RFX3: variants seen among roughly 807,000 people sequenced by gnomAD.
RFX3 encodes regulatory factor X3.
Under a neutral mutation model 98.6 loss-of-function variants are expected in RFX3, and 14 were observed. The observed-to-expected ratio is 0.14, with a 90% CI of 0.09 to 0.22. RFX3 has a LOEUF of 0.22. Ranked by LOEUF, RFX3 falls within the 10% of genes least tolerant of loss-of-function variation. RFX3 has a pLI of 1.00. For synonymous variants in RFX3, 383 were observed against 328.4 expected (o/e 1.17, Z -1.80); for missense variants, 639 against 926.9 (o/e 0.69, Z 4.03).
rs1271463244 is a variant in RFX3, at chr9:3,220,899, A to G, written c.*4143T>C. 1 of 152,180 alleles carries G rather than the reference A, an allele frequency of 6.6e-6. No homozygotes were observed. Among genetic ancestry groups the G allele is most frequent in the Non-Finnish European group, 1.5e-5 (1 of 68,040 alleles). 9.4% of individuals were successfully genotyped at this position (152,180 alleles called of 1,614,324 possible). A position where few individuals can be genotyped will look rare whatever the true frequency, so the allele number is the denominator to read the frequency against. On this transcript the variant is annotated 3_prime_UTR_variant, in exon 17 of 17. Transcript: ENST00000617270. ...CCATTAATTGATTCGTTCTAACCAT[A>G]TACATGGAGGTTGTTCTGATCTAAC...
At chr9:3,298,716 A>G (rs1828299736) in intron 5 of RFX3, among the ~76,000 whole-genome samples, 1 of 151,912 alleles carries the variant, frequency 6.6e-6, no homozygotes, top group South Asian at 2.1e-4. Flanking sequence ...CCCATCTTCT[A>G]AAGTGTGGAA....
chr9:3,501,807 T>C (rs1587871134), intron 1 of RFX3, among the ~76,000 whole-genome samples: 1 of 151,766 alleles, frequency 6.6e-6, no homozygotes, highest in East Asian at 2.0e-4. Flanking sequence ...TCCACCCATC[T>C]CAGCCTCCCA....
chr9:3,485,758 T>G (rs576446175), intron 1 of RFX3, among the ~76,000 whole-genome samples: 1 of 152,246 alleles, frequency 6.6e-6, no homozygotes, highest in South Asian at 2.1e-4. Context: ...CATAAATACA[T>G]AGCAATACAT....
chr9:3,518,992 T>C (rs1489277915), intron 1 of RFX3, among the ~76,000 whole-genome samples: 4 of 152,022 alleles, frequency 2.6e-5, no homozygotes, highest in African/African-American at 7.3e-5. Flanking sequence ...CTAGACTATT[T>C]ATTATTATTA....
At chr9:3,291,870 A>T (rs1177837878) in intron 6 of RFX3, among the ~76,000 whole-genome samples, 2 of 151,896 alleles carry the variant, frequency 1.3e-5, no homozygotes, top group Non-Finnish European at 2.9e-5. Context: ...CATCTGGACT[A>T]ACATGGTGAA....
At chr9:3,422,505 C>T (rs1843544166) in intron 1 of RFX3, among the ~76,000 whole-genome samples, 1 of 152,220 alleles carries the variant, frequency 6.6e-6, no homozygotes, top group Non-Finnish European at 1.5e-5. Context: ...AAAGGAGAAA[C>T]CCTTCTGCCT....
chr9:3,382,465 G>C (rs1376259492), intron 2 of RFX3, among the ~76,000 whole-genome samples: 1 of 151,884 alleles, frequency 6.6e-6, no homozygotes. Flanking sequence ...GGAAACTGAG[G>C]GCCTTCAGTC....
At chr9:3,378,901 G>C (rs1838864266) in intron 2 of RFX3, among the ~76,000 whole-genome samples, 1 of 152,104 alleles carries the variant, frequency 6.6e-6, no homozygotes, top group Non-Finnish European at 1.5e-5. Flanking sequence ...ACCTAGAATA[G>C]AGATGCTCCA....
chr9:3,399,720 G>C (rs577787998), intron 1 of RFX3, among the ~76,000 whole-genome samples: 1 of 152,054 alleles, frequency 6.6e-6, no homozygotes, highest in Non-Finnish European at 1.5e-5. Context: ...GGGAGGCCAA[G>C]TGGGGCAGAT....
At chr9:3,385,998 GT>G (rs1839678030) in intron 2 of RFX3, among the ~76,000 whole-genome samples, 2 of 152,208 alleles carry the variant, frequency 1.3e-5, no homozygotes, top group South Asian at 4.1e-4. Flanking sequence ...ACTACACTGG[GT>G]GCCTATTCAA....
chr9:3,457,341 G>A (rs1296577035), intron 1 of RFX3, among the ~76,000 whole-genome samples: 2 of 151,914 alleles, frequency 1.3e-5, no homozygotes, highest in African/African-American at 4.8e-5. Flanking sequence ...ATTCATATTT[G>A]CAAGTCATTT....
At chr9:3,250,839 G>A (rs924492007) in intron 14 of RFX3, among the ~76,000 whole-genome samples, 2 of 151,758 alleles carry the variant, frequency 1.3e-5, no homozygotes, top group Non-Finnish European at 2.9e-5. Flanking sequence ...AGATACATGA[G>A]CTCATTTACA....
At chr9:3,449,234 T>C (rs561799127) in intron 1 of RFX3, among the ~76,000 whole-genome samples, 6 of 152,264 alleles carry the variant, frequency 3.9e-5, no homozygotes, top group Admixed American at 6.5e-5. Context: ...GTGTCCAAGA[T>C]CATTGTTTCT....
chr9:3,288,709 C>T (rs1265286577), intron 6 of RFX3, among the ~76,000 whole-genome samples: 1 of 151,972 alleles, frequency 6.6e-6, no homozygotes, highest in Non-Finnish European at 1.5e-5. Context: ...TTCTACTTTC[C>T]TGGATAAGTT....
At chr9:3,292,882 A>C (rs1382999590) in intron 6 of RFX3, among the ~76,000 whole-genome samples, 195 bp downstream of exon 6, 1 of 152,170 alleles carries the variant, frequency 6.6e-6, no homozygotes, top group African/African-American at 2.4e-5. Context: ...TGTTTTAGAC[A>C]ACATATAATT....
intron 1 of RFX3, among the ~76,000 whole-genome samples, chr9:3,500,777 T>C (rs1297338135): frequency 1.3e-5 from 2 of 152,182 alleles, no homozygotes; most frequent in Non-Finnish European, 2.9e-5. Flanking sequence ...CTGAGGAGTA[T>C]ACTAGTCACA....
intron 1 of RFX3, among the ~76,000 whole-genome samples, chr9:3,480,268 G>C (rs1849624516): frequency 6.6e-6 from 1 of 152,156 alleles, no homozygotes; most frequent in Non-Finnish European, 1.5e-5. Context: ...GCATGGCTAA[G>C]CATCTCTCTC....
At chr9:3,407,282 C>G (rs535506526) in intron 1 of RFX3, among the ~76,000 whole-genome samples, 5 of 152,244 alleles carry the variant, frequency 3.3e-5, no homozygotes, top group East Asian at 1.9e-4. Flanking sequence ...TAAGAAGCCT[C>G]TAGTTACTAA....
At chr9:3,277,210 A>T in intron 8 of RFX3, 130 bp downstream of exon 8, 1 of 779,262 alleles carries the variant, frequency 1.3e-6, no homozygotes, top group Non-Finnish European at 2.1e-6. Flanking sequence ...TATACATATG[A>T]TGTGCATAAT....
Sources: gnomAD v4.1 joint callset for allele counts (sites outside exome capture counted in the v4.1 genomes callset) on GRCh38, gnomAD v4.1.1 for gene constraint, MANE v1.5 for transcripts, NCBI Gene and HGNC (gene_info 2026-07-23, HGNC 2026-07-21) for gene names.